The following ENAM variants were observed in gnomAD, a reference collection of about 807,000 sequenced individuals.
ENAM encodes the protein enamelin.
In ENAM, 21 loss-of-function variants were observed where a neutral mutation model predicts 33.6. The ratio of observed to expected loss-of-function variants is 0.63; its 90% confidence interval spans 0.44 to 0.90. The LOEUF is 0.90. Among genes scored for constraint, ENAM ranks in the 40% least tolerant of loss-of-function variants. The pLI is 0.00. For synonymous variants in ENAM, 473 were observed against 468.4 expected (o/e 1.01, Z -0.13); for missense variants, 1,388 against 1,366.9 (o/e 1.02, Z -0.24).
rs752119015 is a variant in ENAM, at chr4:70,631,856, T to G, written c.131T>G (p.Met44Arg). The part of the protein sequence containing the change: ...LGNSVAMPMH[M>R]PRMPGFSSKS... ...ACATTCTCTTACTTCCAGATGCACA[T>G]GCCCCGAATGCCTGGATTTAGCAGT... Residue 44 changes from methionine to arginine, a missense_variant, in exon 4 of 9, where the codon ATG (methionine) becomes AGG (arginine). Met to Arg is a moderately conservative substitution (Grantham distance 91, BLOSUM62 -1). Transcript: ENST00000396073. 2 of 1,614,112 alleles carry G rather than the reference T, an allele frequency of 1.2e-6. No individual in the cohort carries two copies. Among genetic ancestry groups the G allele is most frequent in the Non-Finnish European group, 1.7e-6 (2 of 1,179,958 alleles).
chr4:70,639,340 A>G (rs927454529), intron 8 of ENAM, among the ~76,000 whole-genome samples: 4 of 152,230 alleles, frequency 2.6e-5, no homozygotes, highest in African/African-American at 9.6e-5. Flanking sequence ...CTGCAATCCC[A>G]GCACTTTGGG....
Position 70,635,854 on chromosome 4 carries a change from G to T in ENAM, c.494G>T (p.Gly165Val). 2 of 1,608,428 alleles carry T rather than the reference G, an allele frequency of 1.2e-6. No homozygotes were observed. The highest frequency in any genetic ancestry group is 1.7e-6 in the Non-Finnish European group (2 of 1,175,736). ...PPQAFPPFGN[G>V]LFPYQQPPWQ... ...TAGGCATTCCCACCATTTGGAAATG[G>T]GCTATTCCCCTATCAACAACCACCA... is the stretch of plus-strand genomic sequence containing the variant. The change falls in exon 7 of 9, where the codon GGG (glycine) becomes GTG (valine). Residue 165 changes from glycine (G) to valine (V), a missense_variant. Coordinates refer to ENST00000396073, the MANE Select transcript of ENAM (RefSeq NM_031889.3).
At position 70,645,516 on chromosome 4, in the gene ENAM, A is replaced by T. The variant is rs2148524430; in HGVS notation, c.*661A>T. 1 of 151,934 alleles carries T rather than the reference A, an allele frequency of 6.6e-6. No individual in the cohort carries two copies. The highest frequency in any genetic ancestry group is 1.5e-5 in the Non-Finnish European group (1 of 68,098). The allele number at this position is 151,934 out of a possible 1,614,324, so 9.4% of individuals were successfully genotyped here. ...TTTAACCATTTCTAGTCTCTTCTTT[A>T]TGTCTACCTCCTCCATTATGTCTTC... is the stretch of plus-strand genomic sequence containing the variant. On this transcript the variant is annotated 3_prime_UTR_variant, in exon 9 of 9. Transcript: ENST00000396073.
In ENAM at chr4:70,641,983, G is replaced by A. The variant is rs1440913151; in HGVS notation, c.589-32G>A. 3 of 1,518,250 alleles carry A rather than the reference G, an allele frequency of 2.0e-6. No homozygotes were observed. The South Asian group carries it at 3.4e-5, about 17-fold the overall frequency. 94.0% of individuals were successfully genotyped at this position (1,518,250 alleles called of 1,614,324 possible). On this transcript the variant is annotated intron_variant, in intron 8 of 8. Transcript: ENST00000396073. Reference sequence around the variant, plus strand: ...ACAACACCATGGTGGGAAACAAAGGGCAATTATTGATTTCCATTTTCTTTC... The same window carrying A: ...ACAACACCATGGTGGGAAACAAAGGACAATTATTGATTTCCATTTTCTTTC...
rs61737041 is a variant in ENAM at position 70,644,651 on chromosome 4, C to T, written c.3225C>T (p.Ser1075=). The part of the protein sequence containing the change: ...HHSSTTGTPS[S]DGRQSPFDGD... ...CTTCCACCACCGGAACTCCATCTAGCGATGGAAGGCAAAGCCCATTTGATG... is the reference window on the plus strand; with the variant it reads ...CTTCCACCACCGGAACTCCATCTAGTGATGGAAGGCAAAGCCCATTTGATG... Residue 1075 remains serine, a synonymous_variant, in exon 9 of 9, where the codon AGC becomes AGT. Coordinates refer to ENST00000396073, the MANE Select transcript of ENAM (RefSeq NM_031889.3). The T allele has an allele frequency of 1.3e-3, 2,117 of 1,612,990 alleles. 28 individuals carry two copies. In the African/African-American group the frequency reaches 0.024, roughly 19 times the overall value.
chr4:70,638,449 CTTTTTTTTTTTTTTTTT>C (rs766513652), intron 8 of ENAM, among the ~76,000 whole-genome samples: 2 of 58,902 alleles, frequency 3.4e-5, no homozygotes, highest in Non-Finnish European at 6.4e-5. Flanking sequence ...ACAGATTGTT[CTTTTTTTTTTTTTTTTT>C]TTTTTTTTTT....
At chr4:70,641,405 T>A (rs1378096236) in intron 8 of ENAM, among the ~76,000 whole-genome samples, 6 of 150,772 alleles carry the variant, frequency 4.0e-5, no homozygotes, top group Admixed American at 6.6e-5. Flanking sequence ...TTATTTTTTT[T>A]TTTGAGATGG....
chr4:70,632,831 A>G (rs1738358746), intron 5 of ENAM, 139 bp downstream of exon 5: 1 of 719,220 alleles, frequency 1.4e-6, no homozygotes, highest in Non-Finnish European at 2.5e-6. Context: ...TCAAGGTGGA[A>G]AAATTATTGC....
In ENAM at chr4:70,644,817, C is replaced by T. The variant is rs1348428125; in HGVS notation, c.3391C>T (p.Gln1131Ter). ...FEFLQRGTNV[Q>*]DQVQDCLLLQ... ...ATTCCTTCAAAGAGGGACCAATGTA[C>T]AGGACCAGGTACAAGACTGCTTACT... The change falls in exon 9 of 9, where the codon CAG becomes TAG. Residue 1131 changes from glutamine (Q) to a stop codon, truncating the protein, a stop_gained. Coordinates refer to ENST00000396073, the MANE Select transcript of ENAM (RefSeq NM_031889.3). LOFTEE classifies it high-confidence loss of function. 1.3e-5 allele frequency: 21 copies of T among 1,613,994 alleles called. No individual in the cohort carries two copies. The highest frequency in any genetic ancestry group is 1.8e-5 in the Non-Finnish European group (21 of 1,179,982).
At position 70,643,544 on chromosome 4, in the gene ENAM, T is replaced by A; in HGVS notation, c.2118T>A (p.Asn706Lys). The A allele has an allele frequency of 6.2e-7, 1 of 1,614,036 alleles. No homozygotes were observed. The highest frequency in any genetic ancestry group is 8.5e-7 in the Non-Finnish European group (1 of 1,179,954). The change falls in exon 9 of 9, where the codon AAT (asparagine) becomes AAA (lysine). Residue 706 changes from asparagine to lysine, a missense_variant. Coordinates refer to ENST00000396073, the MANE Select transcript of ENAM (RefSeq NM_031889.3). ...AATATCTTCCCTATTCTTTAGATAA[T>A]CCATCAAAACCAAGGGAGGATTTTT... Reference protein sequence around the residue: ...PKEYLPYSLDNPSKPREDFYY... With the variant: ...PKEYLPYSLDKPSKPREDFYY...
chr4:70,644,919 CAA>C lies in ENAM; in HGVS notation c.*67_*68del. Reference sequence around the variant, plus strand: ...ACTGACATTCTATACCAATGGTTCCCAAAATTTTTTCCCCAAGACTTAATTAA... The same window carrying C: ...ACTGACATTCTATACCAATGGTTCCCAATTTTTTCCCCAAGACTTAATTAA... On this transcript the variant is annotated 3_prime_UTR_variant, in exon 9 of 9. Coordinates refer to ENST00000396073, the MANE Select transcript of ENAM (RefSeq NM_031889.3). 1 of 1,444,380 alleles carries C rather than the reference CAA, an allele frequency of 6.9e-7. No homozygotes were observed. The highest frequency in any genetic ancestry group is 1.8e-4 in the Middle Eastern group (1 of 5,642). 89.5% of individuals were successfully genotyped at this position (1,444,380 alleles called of 1,614,324 possible). A position where few individuals can be genotyped will look rare whatever the true frequency, so the allele number is the denominator to read the frequency against.
In ENAM at chr4:70,631,702, C is replaced by G. The variant is rs749860411; in HGVS notation, c.87C>G (p.Val29=). The stretch of plus-strand genomic sequence containing the variant: ...AAGGCAAAATGAAGATTCTCCTGGT[C>G]TTTCTAGGGCTTCTTGGTAATTCTG... ...VPKGKMKILL[V]FLGLLGNSVA... is the part of the protein sequence containing the mutation. The change falls in exon 3 of 9, where the codon GTC becomes GTG. Residue 29 remains valine (V), a synonymous_variant. Coordinates refer to ENST00000396073, the MANE Select transcript of ENAM (RefSeq NM_031889.3). The G allele has an allele frequency of 1.2e-6, 2 of 1,613,558 alleles. No homozygotes were observed. The highest frequency in any genetic ancestry group is 3.3e-5 in the Admixed American group (2 of 60,012).
In ENAM at chr4:70,644,078, C is replaced by A. The variant is rs1431963916; in HGVS notation, c.2652C>A (p.Asp884Glu). ...CTGGTAGCTCCACAGGGCCCAAGGA[C>A]AATCCACTAGCTCTACAAGACTACA... ...CCAGSSTGPK[D>E]NPLALQDYTP... Residue 884 changes from aspartate to glutamate, a missense_variant, in exon 9 of 9, where the codon GAC becomes GAA. Transcript: ENST00000396073. 2.4e-5 allele frequency: 38 copies of A among 1,614,082 alleles called. No individual in the cohort carries two copies. The highest frequency in any genetic ancestry group is 3.2e-5 in the Non-Finnish European group (38 of 1,179,992).
In ENAM at chr4:70,642,574, A is replaced by C. The variant is rs748543680; in HGVS notation, c.1148A>C (p.Tyr383Ser). The C allele has an allele frequency of 6.2e-7, 1 of 1,613,978 alleles. No individual in the cohort carries two copies. ...RPGNPVYHKA[Y>S]PPTSRGNYPN... ...GGAAATCCAGTTTATCACAAAGCTT[A>C]CCCTCCTACTTCAAGAGGCAATTAT... The change falls in exon 9 of 9, where the codon TAC becomes TCC. Residue 383 changes from tyrosine (Y) to serine (S), a missense_variant. By Grantham distance (144) the Tyr-to-Ser change is moderately radical. Transcript: ENST00000396073.
chr4:70,634,791 CA>C (rs1738410496), intron 6 of ENAM, among the ~76,000 whole-genome samples: 1 of 152,162 alleles, frequency 6.6e-6, no homozygotes, highest in South Asian at 2.1e-4. Context: ...ATTACAGAGA[CA>C]ACATGGTGTA....
rs775445629 is a variant in ENAM, at chr4:70,642,044, T to C, written c.618T>C (p.His206=). The C allele has an allele frequency of 1.2e-6, 2 of 1,613,934 alleles. No homozygotes were observed. The highest frequency in any genetic ancestry group is 1.7e-6 in the Non-Finnish European group (2 of 1,179,760). Residue 206 remains histidine (H), a synonymous_variant, in exon 9 of 9, where the codon CAT becomes CAC. Coordinates refer to ENST00000396073, the MANE Select transcript of ENAM (RefSeq NM_031889.3). ...GNPYFGYFGY[H]GFGGRPPYYS... is the part of the protein sequence containing the mutation. The stretch of plus-strand genomic sequence containing the variant: ...CTTACTTTGGATATTTTGGATATCA[T>C]GGCTTTGGGGGTCGCCCTCCTTATT...
In ENAM at chr4:70,644,299, G is replaced by C. The variant is rs760903460; in HGVS notation, c.2873G>C (p.Cys958Ser). Reference sequence around the variant, plus strand: ...TCCACGCTGAGGAGGAACACACCATGTTCTATAAAGAATCAACTGGGCCAA... The same window carrying C: ...TCCACGCTGAGGAGGAACACACCATCTTCTATAAAGAATCAACTGGGCCAA... ...DVSTLRRNTP[C>S]SIKNQLGQKE... The change falls in exon 9 of 9, where the codon TGT becomes TCT. Residue 958 changes from cysteine to serine, a missense_variant. Physicochemically the swap from Cys to Ser is moderately radical, Grantham distance 112. Coordinates refer to ENST00000396073, the MANE Select transcript of ENAM (RefSeq NM_031889.3). 1 of 1,614,194 alleles carries C rather than the reference G, an allele frequency of 6.2e-7. No homozygotes were observed.
In ENAM at chr4:70,629,451, G is replaced by A; in HGVS notation, c.-50G>A. ...ATTTCTATATTTTAGTTTCTTCTCA[G>A]GTTAAAGCTGTATTTTTCTTAAAGG... On this transcript the variant is annotated 5_prime_UTR_variant, in exon 2 of 9. Transcript: ENST00000396073. 2 of 1,356,476 alleles carry A rather than the reference G, an allele frequency of 1.5e-6. No individual in the cohort carries two copies. Among genetic ancestry groups the A allele is most frequent in the East Asian group, 2.3e-5 (1 of 43,652 alleles). 84.0% of individuals were successfully genotyped at this position (1,356,476 alleles called of 1,614,324 possible).
chr4:70,634,104 G>GCC (rs944938547), intron 5 of ENAM, among the ~76,000 whole-genome samples: 8 of 152,280 alleles, frequency 5.3e-5, no homozygotes, highest in African/African-American at 1.9e-4. Context: ...TGTTTTGGTT[G>GCC]TTTGGCTTTC....
Sources: allele counts gnomAD v4.1 joint callset (sites outside exome capture counted in the v4.1 genomes callset), GRCh38; gene constraint gnomAD v4.1.1; transcripts MANE v1.5; gene names NCBI Gene and HGNC (gene_info 2026-07-23, HGNC 2026-07-21).